Variants in CSTL1 observed in about 807,000 individuals in gnomAD.
CSTL1 encodes cystatin-like 1.
CSTL1 carries 14 observed loss-of-function variants against 14.4 expected under a neutral mutation model. That is an observed-to-expected ratio of 0.97 (90% CI 0.64 to 1.52). The LOEUF is 1.52. Ranked by LOEUF, CSTL1 falls within the 40% of genes most tolerant of loss-of-function variation. The pLI is 0.00. For synonymous variants in CSTL1, 72 were observed against 67.5 expected (o/e 1.07, Z -0.33); for missense variants, 170 against 168.7 (o/e 1.01, Z -0.04).
chr20:23,441,732 A>G (rs965740844), intron 2 of CSTL1, among the ~76,000 whole-genome samples: 1 of 152,186 alleles, frequency 6.6e-6, no homozygotes, highest in Non-Finnish European at 1.5e-5. Flanking sequence ...ATTTTGATGC[A>G]CGGTTGTTTG....
At chr20:23,461,162 G>T in the CSTL1 span, among the ~76,000 whole-genome samples, 1 of 152,116 alleles carries the variant, frequency 6.6e-6, no homozygotes, top group Non-Finnish European at 1.5e-5. Flanking sequence ...ACTCACTGAA[G>T]GCACAGATTG....
chr20:23,457,616 A>G, the CSTL1 span: 1 of 152,044 alleles, frequency 6.6e-6, no homozygotes, highest in African/African-American at 2.4e-5. Context: ...GTGGGGGTGG[A>G]GAAAGAACAA....
At chr20:23,458,349 G>A in the CSTL1 span, among the ~76,000 whole-genome samples, 3 of 152,176 alleles carry the variant, frequency 2.0e-5, no homozygotes, top group Admixed American at 2.0e-4. Context: ...AGATGAACAT[G>A]CTGAGGAATG....
At chr20:23,447,467 C>CTTT (rs34114094), downstream of CSTL1, among the ~76,000 whole-genome samples, 7 of 136,808 alleles carry the variant, frequency 5.1e-5, no homozygotes, top group African/African-American at 1.4e-4. Context: ...TTTTCTTTTT[C>CTTT]TTTTTTTTTT....
Position 23,443,936 on chromosome 20 carries a change from G to A in CSTL1, c.222G>A (p.Leu74=), listed in dbSNP as rs752606126. 1 of 1,612,990 alleles carries A rather than the reference G, an allele frequency of 6.2e-7. No homozygotes were observed. The highest frequency in any genetic ancestry group is 8.5e-7 in the Non-Finnish European group (1 of 1,178,974). The part of the protein sequence containing the change: ...VQRLIRSQMQ[L]TTGVEYIVTV... ...ACAGCACAACTGATTCTCGGCAGCT[G>A]ACGACGGGAGTGGAGTATATAGTCA... Residue 74 remains leucine, a splice_region_variant and synonymous_variant, in exon 3 of 4, where the codon CTG becomes CTA. Coordinates refer to ENST00000347397, the MANE Select transcript of CSTL1 (RefSeq NM_138283.1).
the CSTL1 span, among the ~76,000 whole-genome samples, chr20:23,455,443 CATAT>C: frequency 2.6e-5 from 4 of 152,186 alleles, no homozygotes; most frequent in Non-Finnish European, 5.9e-5. Flanking sequence ...ATGGAATAGA[CATAT>C]TTACTACATG....
At chr20:23,450,449 T>C in the CSTL1 span, 1 of 1,071,644 alleles carries the variant, frequency 9.3e-7, no homozygotes, top group Admixed American at 2.1e-5. Flanking sequence ...TTAAGGATTA[T>C]TGCCCATTGC....
At position 23,440,206 on chromosome 20, in the gene CSTL1, C is replaced by T; in HGVS notation, c.-62C>T. On this transcript the variant is annotated 5_prime_UTR_variant, in exon 2 of 4. The change creates a premature stop within an existing upstream ORF in the 5' untranslated region. Transcript: ENST00000347397. ...TTATGATGGGAGAATGAGTGAACTG[C>T]AGCCTGGCACCACCACACCCTGGAA... 1 of 1,559,302 alleles carries T rather than the reference C, an allele frequency of 6.4e-7. No individual in the cohort carries two copies. Among genetic ancestry groups the T allele is most frequent in the Non-Finnish European group, 8.8e-7 (1 of 1,133,952 alleles).
At chr20:23,454,433 C>T in the CSTL1 span, among the ~76,000 whole-genome samples, 81 of 152,194 alleles carry the variant, frequency 5.3e-4, no homozygotes, top group Non-Finnish European at 1.1e-3. Flanking sequence ...CCCACACTCA[C>T]GCTAAAACAC....
chr20:23,456,465 A>G, the CSTL1 span, among the ~76,000 whole-genome samples: 2 of 152,092 alleles, frequency 1.3e-5, no homozygotes, highest in East Asian at 3.9e-4. Context: ...GAGAAGGAAG[A>G]TGTAGAGGAC....
At chr20:23,451,851 T>A in the CSTL1 span, 1 of 1,613,996 alleles carries the variant, frequency 6.2e-7, no homozygotes, top group East Asian at 2.2e-5. Flanking sequence ...ACACAGTTCG[T>A]GGTCTCTGGC....
the CSTL1 span, chr20:23,452,533 C>T: frequency 5.8e-6 from 7 of 1,206,564 alleles, no homozygotes; most frequent in Non-Finnish European, 8.7e-6. Context: ...CCAGTGGCCA[C>T]CCGATGTGGG....
At chr20:23,443,658 T>C (rs990787997) in intron 2 of CSTL1, among the ~76,000 whole-genome samples, 2 of 152,124 alleles carry the variant, frequency 1.3e-5, no homozygotes, top group Non-Finnish European at 2.9e-5. Flanking sequence ...GCAACCCAGC[T>C]TGATGTTGCC....
rs1292081881 is a variant in CSTL1 at position 23,440,219 on chromosome 20, C to T, written c.-49C>T. On this transcript the variant is annotated 5_prime_UTR_variant, in exon 2 of 4. Coordinates refer to ENST00000347397, the MANE Select transcript of CSTL1 (RefSeq NM_138283.1). ...ATGAGTGAACTGCAGCCTGGCACCA[C>T]CACACCCTGGAAGGTGCAGTTGGGA... is the stretch of plus-strand genomic sequence containing the variant. 1 of 1,594,782 alleles carries T rather than the reference C, an allele frequency of 6.3e-7. No individual in the cohort carries two copies.
At chr20:23,460,842 A>G in the CSTL1 span, among the ~76,000 whole-genome samples, 3 of 152,200 alleles carry the variant, frequency 2.0e-5, no homozygotes, top group African/African-American at 7.2e-5. Context: ...CAAGCTGGGA[A>G]CTGGGTCATG....
chr20:23,449,202 T>A (rs1987024286), downstream of CSTL1, among the ~76,000 whole-genome samples: 1 of 152,212 alleles, frequency 6.6e-6, no homozygotes, highest in East Asian at 1.9e-4. Flanking sequence ...TTTCTGTGCA[T>A]GCCAGCTTGA....
rs576123378 is a variant in CSTL1 at position 23,440,179 on chromosome 20, G to A, written c.-89G>A. ...CCCCAGGAAAGCCTATGTTGGTGAGGGTTATGATGGGAGAATGAGTGAACT... is the reference window on the plus strand; with the variant it reads ...CCCCAGGAAAGCCTATGTTGGTGAGAGTTATGATGGGAGAATGAGTGAACT... On this transcript the variant is annotated 5_prime_UTR_variant, in exon 2 of 4. Transcript: ENST00000347397. The A allele has an allele frequency of 7.5e-5, 102 of 1,365,252 alleles. No homozygotes were observed. In the African/African-American group the frequency reaches 1.2e-3, roughly 15 times the overall value. The allele number at this position is 1,365,252 out of a possible 1,614,324, so 84.6% of individuals were successfully genotyped here.
the CSTL1 span, chr20:23,450,541 A>G: frequency 8.1e-6 from 13 of 1,612,356 alleles, no homozygotes; most frequent in South Asian, 1.2e-4. Flanking sequence ...AAAATTTTGT[A>G]CTGTTCAAAC....
chr20:23,440,686 T>C (rs1307105696), intron 2 of CSTL1, 200 bp downstream of exon 2: 9 of 684,440 alleles, frequency 1.3e-5, no homozygotes, highest in Admixed American at 2.0e-5. Context: ...CCAAAATGCT[T>C]TCCTAAGGAC....
Sources: gnomAD v4.1 joint callset for allele counts (sites outside exome capture counted in the v4.1 genomes callset) on GRCh38, gnomAD v4.1.1 for gene constraint, MANE v1.5 for transcripts, NCBI Gene and HGNC (gene_info 2026-07-23, HGNC 2026-07-21) for gene names.